PREX2: variants seen among roughly 807,000 people sequenced by gnomAD.
The protein encoded by PREX2 is phosphatidylinositol-3,4,5-trisphosphate dependent Rac exchange factor 2.
A neutral mutation model predicts 203.2 loss-of-function variants in PREX2; 107 were observed. The ratio of observed to expected loss-of-function variants is 0.53; its 90% confidence interval spans 0.45 to 0.62. The LOEUF (loss-of-function observed/expected upper bound fraction) is 0.62, where lower values mean the gene tolerates loss of function less well. Ranked by LOEUF, PREX2 falls within the 20% of genes least tolerant of loss-of-function variation. The pLI is 0.00. For missense variants in PREX2, 1,777 were observed against 1,955.9 expected (o/e 0.91, Z 1.72); for synonymous variants, 672 against 663.6 (o/e 1.01, Z -0.19).
intron 17 of PREX2, among the ~76,000 whole-genome samples, chr8:68,081,786 C>A (rs1809535485): frequency 6.6e-6 from 1 of 152,080 alleles, no homozygotes; most frequent in Non-Finnish European, 1.5e-5. Context: ...CCTCTGCCTT[C>A]TGGGTTCAAG....
intron 19 of PREX2, among the ~76,000 whole-genome samples, chr8:68,088,919 C>G (rs1393659882): frequency 6.6e-6 from 1 of 152,156 alleles, no homozygotes; most frequent in East Asian, 1.9e-4. Context: ...ATCTTTGGAG[C>G]TTAGTGGTGG....
intron 18 of PREX2, among the ~76,000 whole-genome samples, chr8:68,083,880 A>G (rs1287033954): frequency 6.6e-6 from 1 of 152,214 alleles, no homozygotes; most frequent in Non-Finnish European, 1.5e-5. Flanking sequence ...CTATCTACCT[A>G]TGATTAGAAA....
At chr8:68,093,078 A>G (rs532906514) in intron 20 of PREX2, among the ~76,000 whole-genome samples, 2 of 152,176 alleles carry the variant, frequency 1.3e-5, no homozygotes, top group Non-Finnish European at 2.9e-5. Context: ...TTAGAAGATA[A>G]AACTTGAAGC....
intron 1 of PREX2, among the ~76,000 whole-genome samples, chr8:67,987,479 A>C (rs909369319): frequency 9.9e-4 from 150 of 152,024 alleles, no homozygotes; most frequent in African/African-American, 3.6e-3. Context: ...CTGGGGCAAA[A>C]TTTCAGTTAC....
At chr8:68,223,194 G>T (rs1399515287) in intron 38 of PREX2, 2 of 152,188 alleles carry the variant, frequency 1.3e-5, no homozygotes, top group African/African-American at 4.8e-5. Context: ...TAAGTGAAGG[G>T]TTAACGTTAG....
At chr8:67,996,356 T>C (rs11775803) in intron 1 of PREX2, among the ~76,000 whole-genome samples, 74,538 of 151,412 alleles carry the variant, frequency 0.49, 18,678 homozygotes, top group South Asian at 0.61. Context: ...CCACCATGCC[T>C]GGCTAATTTT....
intron 30 of PREX2, among the ~76,000 whole-genome samples, chr8:68,122,933 C>T (rs181117160): frequency 4.1e-4 from 62 of 152,004 alleles, no homozygotes; most frequent in African/African-American, 1.3e-3. Flanking sequence ...ATTATGTCAT[C>T]GATTTTAGTG....
chr8:68,081,399 T>C (rs746898140), intron 17 of PREX2, among the ~76,000 whole-genome samples: 13 of 152,080 alleles, frequency 8.5e-5, no homozygotes, highest in African/African-American at 9.7e-5. Flanking sequence ...CAGCCTGGGA[T>C]TGGGGACCCC....
At chr8:67,975,686 TTCTC>T (rs1391137052) in intron 1 of PREX2, among the ~76,000 whole-genome samples, 9,982 of 132,294 alleles carry the variant, frequency 0.075, 1,375 homozygotes, top group African/African-American at 0.15. Context: ...AGTAACTGAT[TTCTC>T]TTTCTTTTTT....
At chr8:68,004,365 TTGAA>T (rs1295714106) in intron 1 of PREX2, among the ~76,000 whole-genome samples, 1 of 152,250 alleles carries the variant, frequency 6.6e-6, no homozygotes, top group Non-Finnish European at 1.5e-5. Flanking sequence ...AAAAGTAAGT[TTGAA>T]TGGTGACCTT....
At chr8:68,051,567 CAGTT>C (rs1383256343) in intron 8 of PREX2, among the ~76,000 whole-genome samples, 1 of 152,036 alleles carries the variant, frequency 6.6e-6, no homozygotes, top group Non-Finnish European at 1.5e-5. Flanking sequence ...TGTAATTTCT[CAGTT>C]GGTTATTTTT....
At chr8:67,969,725 G>A (rs925568763) in intron 1 of PREX2, among the ~76,000 whole-genome samples, 1 of 152,148 alleles carries the variant, frequency 6.6e-6, no homozygotes, top group Non-Finnish European at 1.5e-5. Flanking sequence ...GTCTCTTCTG[G>A]AGATGGAACC....
chr8:67,976,599 CAGAG>C (rs1345898612), intron 1 of PREX2, among the ~76,000 whole-genome samples: 1 of 57,482 alleles, frequency 1.7e-5, no homozygotes, highest in Non-Finnish European at 3.3e-5. Context: ...GGGAGAGAGA[CAGAG>C]AGAGAGAGAC....
chr8:68,012,653 A>G (rs191383260), intron 1 of PREX2, among the ~76,000 whole-genome samples: 2 of 152,328 alleles, frequency 1.3e-5, no homozygotes, highest in Admixed American at 1.3e-4. Context: ...ATGATTTATT[A>G]TTCTGTCAGT....
chr8:68,050,437 A>G (rs1241427734), intron 8 of PREX2, among the ~76,000 whole-genome samples: 3 of 152,072 alleles, frequency 2.0e-5, no homozygotes, highest in African/African-American at 7.2e-5. Context: ...GGGAGGTTCT[A>G]TACATTTTAA....
At chr8:68,152,710 GA>G (rs1811467245) in intron 34 of PREX2, among the ~76,000 whole-genome samples, 1 of 151,972 alleles carries the variant, frequency 6.6e-6, no homozygotes, top group Non-Finnish European at 1.5e-5. Flanking sequence ...GATTTCCCTG[GA>G]AACACTGACC....
At chr8:68,154,083 C>T (rs1182064012) in intron 34 of PREX2, among the ~76,000 whole-genome samples, 1 of 152,222 alleles carries the variant, frequency 6.6e-6, no homozygotes, top group Admixed American at 6.5e-5. Flanking sequence ...AGCCCTCTCC[C>T]CTCACAGTTC....
chr8:68,012,219 A>G (rs1343084933), intron 1 of PREX2, among the ~76,000 whole-genome samples: 1 of 152,200 alleles, frequency 6.6e-6, no homozygotes, highest in Non-Finnish European at 1.5e-5. Flanking sequence ...AATAGAATAC[A>G]CTATAACAAT....
intron 37 of PREX2, among the ~76,000 whole-genome samples, chr8:68,209,601 T>C (rs1462441205): frequency 6.6e-6 from 1 of 152,074 alleles, no homozygotes; most frequent in African/African-American, 2.4e-5. Flanking sequence ...CTCATAGTTA[T>C]AAAGAACAGT....
Sources: allele counts gnomAD v4.1 joint callset (sites outside exome capture counted in the v4.1 genomes callset), GRCh38; gene constraint gnomAD v4.1.1; transcripts MANE v1.5; gene names NCBI Gene and HGNC (gene_info 2026-07-23, HGNC 2026-07-21).